Variants in NAALADL2 observed in about 807,000 individuals in gnomAD.
NAALADL2 encodes the protein inactive N-acetylated-alpha-linked acidic dipeptidase-like protein 2.
NAALADL2 carries 76 observed loss-of-function variants against 87.2 expected under a neutral mutation model. That is an observed-to-expected ratio of 0.87 (90% CI 0.72 to 1.05). The LOEUF is 1.05. Ranked by LOEUF, NAALADL2 falls within the 50% of genes least tolerant of loss-of-function variation. NAALADL2 has a pLI of 0.00. For synonymous variants in NAALADL2, 354 were observed against 331.0 expected (o/e 1.07, Z -0.75); for missense variants, 1,089 against 945.8 (o/e 1.15, Z -1.99).
chr3:175,543,639 T>C (rs1290681459), intron 9 of NAALADL2, among the ~76,000 whole-genome samples: 1 of 152,074 alleles, frequency 6.6e-6, no homozygotes, highest in Non-Finnish European at 1.5e-5. Flanking sequence ...TCAGATTTCA[T>C]GAGAACTCAC....
At chr3:174,571,119 A>G (rs1714864404) in intron 2 of NAALADL2, among the ~76,000 whole-genome samples, 1 of 152,190 alleles carries the variant, frequency 6.6e-6, no homozygotes, top group Admixed American at 6.5e-5. Context: ...GTCTGTAGAC[A>G]TCTCTGAATA....
intron 10 of NAALADL2, among the ~76,000 whole-genome samples, chr3:175,587,696 C>A (rs1228020137): frequency 2.0e-5 from 3 of 152,090 alleles, no homozygotes; most frequent in Admixed American, 6.6e-5. Context: ...AGAGGAAGTA[C>A]TGGTCCCCAA....
At chr3:175,149,688 T>C (rs548005707) in intron 2 of NAALADL2, among the ~76,000 whole-genome samples, 1 of 152,310 alleles carries the variant, frequency 6.6e-6, no homozygotes, top group South Asian at 2.1e-4. Flanking sequence ...TTTAGAGTTT[T>C]TGTTCCTTCC....
intron 1 of NAALADL2, among the ~76,000 whole-genome samples, chr3:174,863,316 A>G (rs1357986716): frequency 3.9e-5 from 6 of 152,046 alleles, no homozygotes; most frequent in Admixed American, 3.9e-4. Context: ...AATGTTTTCC[A>G]TATTGACGTC....
chr3:174,954,961 T>C (rs9836036), intron 1 of NAALADL2, among the ~76,000 whole-genome samples: 9,001 of 152,166 alleles, frequency 0.059, 812 homozygotes, highest in African/African-American at 0.19. Flanking sequence ...AATTTCTACA[T>C]CCGTTAACAA....
intron 3 of NAALADL2, among the ~76,000 whole-genome samples, chr3:174,828,419 T>G (rs75244744): frequency 5.9e-5 from 9 of 152,190 alleles, no homozygotes; most frequent in South Asian, 2.1e-4. Context: ...GAGGTGTTGT[T>G]CTCACATTAA....
intron 11 of NAALADL2, among the ~76,000 whole-genome samples, chr3:175,679,980 G>T (rs921417888): frequency 2.0e-5 from 3 of 152,042 alleles, no homozygotes; most frequent in Non-Finnish European, 4.4e-5. Context: ...ATTTTCATCT[G>T]CCTGAAAAAG....
At position 175,629,243 on chromosome 3, in the gene NAALADL2, A is replaced by G. The variant is rs557374795; in HGVS notation, c.1896+1857A>G. ...TGAATTCATATATATTCATAAACAT[A>G]TATGATATATTTCTAATACTTGGAG... On this transcript the variant is annotated intron_variant, in intron 11 of 13. Transcript: ENST00000454872. Among the ~76,000 whole-genome samples, 4 of 148,434 alleles carry G rather than the reference A, an allele frequency of 2.7e-5. 1 individual carries two copies. In the South Asian group the frequency reaches 8.4e-4, roughly 31 times the overall value.
chr3:174,706,350 T>G (rs1560159762), intron 2 of NAALADL2, among the ~76,000 whole-genome samples: 1 of 152,168 alleles, frequency 6.6e-6, no homozygotes, highest in East Asian at 1.9e-4. Flanking sequence ...CCATAAAACA[T>G]TTGAAGGAAA....
At chr3:174,983,500 C>A (rs567572782) in intron 1 of NAALADL2, among the ~76,000 whole-genome samples, 2 of 152,112 alleles carry the variant, frequency 1.3e-5, no homozygotes, top group East Asian at 3.9e-4. Context: ...AAATATATTT[C>A]TCATAGTTCT....
intron 3 of NAALADL2, among the ~76,000 whole-genome samples, chr3:174,796,454 G>A (rs1160558133): frequency 2.0e-5 from 3 of 151,846 alleles, no homozygotes; most frequent in Admixed American, 6.6e-5. Flanking sequence ...TAGCTCCCAC[G>A]TGTAAGTGAG....
intron 3 of NAALADL2, among the ~76,000 whole-genome samples, chr3:175,243,531 CTTTTTTTTTTTTTTT>C (rs3066298): frequency 2.8e-4 from 24 of 85,594 alleles, no homozygotes; most frequent in African/African-American, 8.8e-4. Flanking sequence ...CACATCAGGA[CTTTTTTTTTTTTTTT>C]TTTTTTTTTT....
intron 1 of NAALADL2, among the ~76,000 whole-genome samples, chr3:174,939,994 T>C (rs1218785932): frequency 2.6e-5 from 4 of 152,152 alleles, no homozygotes; most frequent in African/African-American, 9.6e-5. Context: ...AGGTGTTCTT[T>C]ATTTTTTACT....
intron 11 of NAALADL2, among the ~76,000 whole-genome samples, chr3:175,631,635 G>T (rs76244895): frequency 4.3e-4 from 65 of 152,018 alleles, no homozygotes; most frequent in African/African-American, 1.5e-3. Context: ...TGCTGCATCA[G>T]TGTTGAAGAT....
At chr3:174,447,731 C>T (rs1180176888) in intron 1 of NAALADL2, among the ~76,000 whole-genome samples, 5 of 151,928 alleles carry the variant, frequency 3.3e-5, no homozygotes, top group African/African-American at 9.7e-5. Context: ...AGGAGAATGG[C>T]GTGAACCTGG....
chr3:175,256,233 G>C (rs1265512153), intron 3 of NAALADL2, among the ~76,000 whole-genome samples, 178 bp from the exon 4 acceptor site: 1 of 152,142 alleles, frequency 6.6e-6, no homozygotes, highest in African/African-American at 2.4e-5. Context: ...AAGAATTGCT[G>C]TACCTTGATA....
chr3:174,539,896 C>T (rs990505302), intron 1 of NAALADL2, among the ~76,000 whole-genome samples: 10 of 141,382 alleles, frequency 7.1e-5, no homozygotes, highest in Non-Finnish European at 1.4e-4. Flanking sequence ...GAGCATCTGT[C>T]AACCTCAGAG....
chr3:175,498,878 T>C (rs1729168200), intron 9 of NAALADL2, among the ~76,000 whole-genome samples: 1 of 152,100 alleles, frequency 6.6e-6, no homozygotes, highest in South Asian at 2.1e-4. Flanking sequence ...GTGGCAGCCC[T>C]AGCAAAGTAA....
chr3:175,362,681 C>T (rs1030550971), intron 5 of NAALADL2, among the ~76,000 whole-genome samples: 1 of 148,030 alleles, frequency 6.8e-6, no homozygotes, highest in Non-Finnish European at 1.5e-5. Flanking sequence ...GGCTTCTTTT[C>T]CTATGGGTAG....
Sources: gnomAD v4.1 joint callset for allele counts (sites outside exome capture counted in the v4.1 genomes callset) on GRCh38, gnomAD v4.1.1 for gene constraint, MANE v1.5 for transcripts, NCBI Gene and HGNC (gene_info 2026-07-23, HGNC 2026-07-21) for gene names.